The following GRAMD1B variants were observed in gnomAD, a reference collection of about 807,000 sequenced individuals.
GRAMD1B encodes the protein GRAM domain containing 1B.
Under a neutral mutation model 99.7 loss-of-function variants are expected in GRAMD1B, and 37 were observed. The observed-to-expected ratio is 0.37, with a 90% CI of 0.29 to 0.49. The LOEUF (loss-of-function observed/expected upper bound fraction) is 0.49. Among genes scored for constraint, GRAMD1B ranks in the 20% least tolerant of loss-of-function variants. The pLI is 0.98. For synonymous variants in GRAMD1B, 427 were observed against 387.6 expected (o/e 1.10, Z -1.19); for missense variants, 888 against 1,009.2 (o/e 0.88, Z 1.63).
At chr11:123,472,151 T>A (rs1258480087) in intron 1 of GRAMD1B, among the ~76,000 whole-genome samples, 2 of 150,316 alleles carry the variant, frequency 1.3e-5, no homozygotes, top group Non-Finnish European at 3.0e-5. Context: ...GAACTTGAAC[T>A]CAGGAGGCAG....
intron 2 of GRAMD1B, among the ~76,000 whole-genome samples, chr11:123,519,520 TA>T (rs1394734219): frequency 6.6e-6 from 1 of 152,176 alleles, no homozygotes; most frequent in East Asian, 1.9e-4. Context: ...AAATGCTCCT[TA>T]AATATAACAC....
intron 2 of GRAMD1B, among the ~76,000 whole-genome samples, chr11:123,530,497 C>T (rs536524563): frequency 1.3e-5 from 2 of 152,334 alleles, no homozygotes; most frequent in South Asian, 4.1e-4. Flanking sequence ...TCTCCTGCCT[C>T]AGCATCCTGA....
intron 1 of GRAMD1B, among the ~76,000 whole-genome samples, chr11:123,434,831 G>A (rs938929391): frequency 3.9e-5 from 6 of 152,138 alleles, no homozygotes; most frequent in African/African-American, 1.4e-4. Flanking sequence ...GGAGTGCAGG[G>A]AACATTGGAC....
At chr11:123,490,417 G>A (rs1938420507) in intron 2 of GRAMD1B, among the ~76,000 whole-genome samples, 2 of 152,166 alleles carry the variant, frequency 1.3e-5, no homozygotes, top group South Asian at 4.1e-4. Context: ...TAAGAGCCCA[G>A]GAAGCCACTG....
chr11:123,552,100 C>T (rs867145758), intron 2 of GRAMD1B, among the ~76,000 whole-genome samples: 7 of 152,014 alleles, frequency 4.6e-5, no homozygotes, highest in Non-Finnish European at 8.8e-5. Context: ...GGGCCCTGTG[C>T]GTTCTCCTCT....
At position 123,609,910 on chromosome 11, in the gene GRAMD1B, A is replaced by G. The variant is rs1342511461; in HGVS notation, c.1773A>G (p.Thr591=). 3.3e-6 allele frequency: 5 copies of G among 1,536,454 alleles called. No homozygotes were observed. Among genetic ancestry groups the G allele is most frequent in the South Asian group, 2.3e-5 (2 of 85,498 alleles). ...CCAAAACTGCCACTGTCAGGGAGACACAGGTGAGCAGAGCCGCGGATGCAC... is the reference window on the plus strand; with the variant it reads ...CCAAAACTGCCACTGTCAGGGAGACGCAGGTGAGCAGAGCCGCGGATGCAC... ...LAPKTATVRE[T]QTMYKASQES... The change falls in exon 13 of 20, where the codon ACA becomes ACG. Residue 591 remains threonine (T), a synonymous_variant. Coordinates refer to ENST00000635736, the MANE Select transcript of GRAMD1B (RefSeq NM_001387025.1).
chr11:123,372,192 C>T (rs533474712), intron 1 of GRAMD1B, among the ~76,000 whole-genome samples: 2 of 152,222 alleles, frequency 1.3e-5, no homozygotes, highest in African/African-American at 2.4e-5. Context: ...ACGTCAAACA[C>T]GATTATACAG....
At chr11:123,586,135 TG>T (rs1332875254) in intron 4 of GRAMD1B, among the ~76,000 whole-genome samples, 1 of 152,066 alleles carries the variant, frequency 6.6e-6, no homozygotes, top group Non-Finnish European at 1.5e-5. Context: ...AGCATAGCGA[TG>T]GGGTAGAAGC....
At chr11:123,451,000 T>C (rs939535127) in intron 1 of GRAMD1B, among the ~76,000 whole-genome samples, 2 of 152,084 alleles carry the variant, frequency 1.3e-5, no homozygotes. Flanking sequence ...TACCTTAAAC[T>C]GGGCTCCAAG....
chr11:123,522,075 A>C (rs1030764563), intron 2 of GRAMD1B, among the ~76,000 whole-genome samples: 3 of 152,184 alleles, frequency 2.0e-5, no homozygotes, highest in Middle Eastern at 3.2e-3. Flanking sequence ...AATGTCAGGA[A>C]GCAGCCAGAT....
In GRAMD1B at chr11:123,624,801, A is replaced by C. The variant is rs964051691; in HGVS notation, c.*2206A>C. ...AAGGTGCCACGGTGGGACCTTTGGG[A>C]TGACTTAAAAAGGGTTCTTTGTTGG... is the stretch of plus-strand genomic sequence containing the variant. On this transcript the variant is annotated 3_prime_UTR_variant, in exon 20 of 20. Coordinates refer to ENST00000635736, the MANE Select transcript of GRAMD1B (RefSeq NM_001387025.1). 1 of 152,186 alleles carries C rather than the reference A, an allele frequency of 6.6e-6. No individual in the cohort carries two copies. Among genetic ancestry groups the C allele is most frequent in the African/African-American group, 2.4e-5 (1 of 41,430 alleles). The allele number at this position is 152,186 out of a possible 1,614,324, so 9.4% of individuals were successfully genotyped here.
At chr11:123,360,812 CTT>C in intron 1 of GRAMD1B, among the ~76,000 whole-genome samples, 1 of 139,400 alleles carries the variant, frequency 7.2e-6, no homozygotes, top group East Asian at 2.1e-4. Context: ...TCCTTCCTTC[CTT>C]CCTTCCTTCC....
chr11:123,588,155 C>T (rs924345151), intron 4 of GRAMD1B, among the ~76,000 whole-genome samples: 8 of 152,090 alleles, frequency 5.3e-5, no homozygotes, highest in African/African-American at 1.9e-4. Flanking sequence ...CTGTGTGGAT[C>T]TTAACTGGTT....
intron 1 of GRAMD1B, among the ~76,000 whole-genome samples, chr11:123,365,925 C>T (rs1159246976): frequency 6.6e-6 from 1 of 152,166 alleles, no homozygotes; most frequent in Non-Finnish European, 1.5e-5. Context: ...ATAGCCTGCA[C>T]CAGCTGAACC....
chr11:123,375,885 C>T (rs527322748), intron 1 of GRAMD1B, among the ~76,000 whole-genome samples: 4 of 152,196 alleles, frequency 2.6e-5, no homozygotes, highest in South Asian at 2.1e-4. Flanking sequence ...ATTTACTGAG[C>T]GCCTGCTATC....
At chr11:123,535,621 C>T (rs1355211787) in intron 2 of GRAMD1B, among the ~76,000 whole-genome samples, 1 of 152,100 alleles carries the variant, frequency 6.6e-6, no homozygotes, top group Non-Finnish European at 1.5e-5. Context: ...TGGTGGATGT[C>T]ACAGCTGATC....
At chr11:123,498,810 C>G (rs1002440769) in intron 2 of GRAMD1B, among the ~76,000 whole-genome samples, 2 of 152,160 alleles carry the variant, frequency 1.3e-5, no homozygotes, top group African/African-American at 4.8e-5. Flanking sequence ...ATTCTGAGTG[C>G]TATGGACTGG....
chr11:123,397,338 T>C (rs1947501901), intron 1 of GRAMD1B, among the ~76,000 whole-genome samples: 1 of 151,858 alleles, frequency 6.6e-6, no homozygotes. Context: ...AACCCGGGAG[T>C]TTGCAGTGCA....
intron 2 of GRAMD1B, among the ~76,000 whole-genome samples, chr11:123,571,982 C>T (rs928258789): frequency 1.3e-5 from 2 of 152,142 alleles, no homozygotes; most frequent in Non-Finnish European, 2.9e-5. Flanking sequence ...TATATTAACA[C>T]GGGAAGAATA....
Sources: gnomAD v4.1 joint callset for allele counts (sites outside exome capture counted in the v4.1 genomes callset) on GRCh38, gnomAD v4.1.1 for gene constraint, MANE v1.5 for transcripts, NCBI Gene and HGNC (gene_info 2026-07-23, HGNC 2026-07-21) for gene names.